The following ANKS1B variants were observed in gnomAD, a reference collection of about 807,000 sequenced individuals.
ANKS1B encodes the protein ankyrin repeat and sterile alpha motif domain-containing protein 1B.
A neutral mutation model predicts 148.3 loss-of-function variants in ANKS1B; 36 were observed. The observed-to-expected ratio is 0.24, with a 90% confidence interval of 0.19 to 0.32. The LOEUF (loss-of-function observed/expected upper bound fraction) is 0.32, where lower values mean the gene tolerates loss of function less well. Among genes scored for constraint, ANKS1B ranks in the 10% least tolerant of loss-of-function variants. ANKS1B has a pLI of 1.00. For missense variants in ANKS1B, 1,157 were observed against 1,542.6 expected (o/e 0.75, Z 4.19); for synonymous variants, 542 against 560.8 (o/e 0.97, Z 0.47).
intron 25 of ANKS1B, among the ~76,000 whole-genome samples, chr12:98,763,141 C>T (rs1390244042): frequency 6.6e-6 from 1 of 152,204 alleles, no homozygotes; most frequent in Non-Finnish European, 1.5e-5. Flanking sequence ...AAAGAAGCGA[C>T]ATTTCTTTTT....
chr12:99,688,271 A>T (rs2098660640), intron 8 of ANKS1B, among the ~76,000 whole-genome samples: 1 of 152,192 alleles, frequency 6.6e-6, no homozygotes. Flanking sequence ...AGCTACCTGA[A>T]ATCTAAACTC....
intron 10 of ANKS1B, among the ~76,000 whole-genome samples, chr12:99,458,810 C>A (rs577850552): frequency 5.9e-5 from 9 of 151,406 alleles, no homozygotes; most frequent in Admixed American, 4.6e-4. Flanking sequence ...GATAGATACA[C>A]AGCTAAATTC....
chr12:99,070,481 G>A (rs530325674), intron 16 of ANKS1B, among the ~76,000 whole-genome samples: 1 of 152,182 alleles, frequency 6.6e-6, no homozygotes, highest in African/African-American at 2.4e-5. Flanking sequence ...AGTGATGAAT[G>A]AAATTTATAG....
intron 12 of ANKS1B, among the ~76,000 whole-genome samples, chr12:99,319,299 G>T (rs1602839190): frequency 6.6e-6 from 1 of 152,118 alleles, no homozygotes; most frequent in South Asian, 2.1e-4. Context: ...TATTGTGTAG[G>T]AGTCTAAGTC....
chr12:99,210,949 T>C (rs1236188215), intron 14 of ANKS1B, among the ~76,000 whole-genome samples: 2 of 152,360 alleles, frequency 1.3e-5, no homozygotes, highest in African/African-American at 2.4e-5. Context: ...TCAAATGGTC[T>C]CTATTCAGCT....
At chr12:98,946,939 C>A (rs1333096878) in intron 17 of ANKS1B, among the ~76,000 whole-genome samples, 630 of 41,548 alleles carry the variant, frequency 0.015, 13 homozygotes, top group African/African-American at 0.048. Flanking sequence ...GATCTTTTCT[C>A]AAAAAAAAAA....
rs574529132 is a variant in ANKS1B at position 99,054,869 on chromosome 12, T to C, written c.2626-1560A>G. Among the ~76,000 whole-genome samples the C allele has an allele frequency of 1.4e-3, 209 of 152,360 alleles. 1 individual carries two copies. The highest frequency in any genetic ancestry group is 4.7e-3 in the African/African-American group (194 of 41,590). ...GCCTAAATGTTCTCTATTTTAAAGT[T>C]AGAGTACAATTTATTATTTACATTA... On this transcript the variant is annotated intron_variant, in intron 16 of 26. Coordinates refer to ENST00000683438, the MANE Select transcript of ANKS1B (RefSeq NM_001352186.2).
intron 17 of ANKS1B, among the ~76,000 whole-genome samples, chr12:98,982,787 A>G (rs1192572343): frequency 6.6e-6 from 1 of 152,216 alleles, no homozygotes; most frequent in African/African-American, 2.4e-5. Context: ...AATATACATA[A>G]TTCATTTTAC....
intron 17 of ANKS1B, among the ~76,000 whole-genome samples, chr12:98,904,784 G>C (rs1437148867): frequency 1.3e-5 from 2 of 152,118 alleles, no homozygotes; most frequent in East Asian, 3.9e-4. Context: ...AGGGAGAAAG[G>C]GAAGAAACAT....
intron 8 of ANKS1B, among the ~76,000 whole-genome samples, chr12:99,720,544 G>A (rs896522964): frequency 1.3e-5 from 2 of 152,102 alleles, no homozygotes; most frequent in African/African-American, 2.4e-5. Context: ...AAGGTAGAAC[G>A]GACTAATGGT....
At chr12:99,881,368 G>A (rs2092470549) in intron 1 of ANKS1B, among the ~76,000 whole-genome samples, 1 of 152,188 alleles carries the variant, frequency 6.6e-6, no homozygotes, top group African/African-American at 2.4e-5. Flanking sequence ...TGATTCACAG[G>A]TGCCTGAAAC....
chr12:99,366,145 C>G (rs1300201085), intron 12 of ANKS1B, among the ~76,000 whole-genome samples: 2 of 152,208 alleles, frequency 1.3e-5, no homozygotes. Context: ...TGGGCTTGAA[C>G]AGCCATTTAG....
intron 11 of ANKS1B, among the ~76,000 whole-genome samples, chr12:99,442,301 A>T (rs949500798): frequency 4.0e-5 from 6 of 151,862 alleles, no homozygotes; most frequent in African/African-American, 9.7e-5. Context: ...AGTAGCTAGG[A>T]TTACAACCGT....
At chr12:98,768,088 T>C (rs928754256) in intron 25 of ANKS1B, among the ~76,000 whole-genome samples, 2 of 152,100 alleles carry the variant, frequency 1.3e-5, no homozygotes, top group African/African-American at 4.8e-5. Context: ...AAGGTGGAGT[T>C]TGGGGAAGCT....
At chr12:99,478,849 T>G (rs1056412527) in intron 10 of ANKS1B, among the ~76,000 whole-genome samples, 12 of 152,120 alleles carry the variant, frequency 7.9e-5, no homozygotes, top group African/African-American at 2.9e-4. Flanking sequence ...ACCCTTTTAT[T>G]TTCTCTATCA....
In ANKS1B at chr12:99,905,388, G is replaced by A. The variant is rs952535059; in HGVS notation, c.134+78716C>T. ...TGATTCCTCCTGAGTGAGAATTAGA[G>A]AAAAGGAATTCTAGGTCTGTGGGCA... On this transcript the variant is annotated intron_variant, in intron 1 of 26. Coordinates refer to ENST00000683438, the MANE Select transcript of ANKS1B (RefSeq NM_001352186.2). Among the ~76,000 whole-genome samples, 5 of 152,340 alleles carry A rather than the reference G, an allele frequency of 3.3e-5. No individual in the cohort carries two copies. In the East Asian group the frequency reaches 9.6e-4, roughly 29 times the overall value.
At chr12:98,962,018 G>A (rs1029496377) in intron 17 of ANKS1B, among the ~76,000 whole-genome samples, 3 of 150,384 alleles carry the variant, frequency 2.0e-5, no homozygotes, top group Non-Finnish European at 3.0e-5. Context: ...GGAAGGAAGA[G>A]AAGACCGCAA....
chr12:99,877,375 C>T (rs548470416), intron 1 of ANKS1B, among the ~76,000 whole-genome samples: 1 of 152,222 alleles, frequency 6.6e-6, no homozygotes, highest in Admixed American at 6.5e-5. Flanking sequence ...CTATTTTTCC[C>T]CATGATTATG....
chr12:99,357,552 C>A (rs766153451), intron 12 of ANKS1B, among the ~76,000 whole-genome samples: 2 of 152,118 alleles, frequency 1.3e-5, no homozygotes, highest in Non-Finnish European at 2.9e-5. Flanking sequence ...ACCTAGAACG[C>A]TGCCTGAGAA....
Sources: gnomAD v4.1 joint callset for allele counts (sites outside exome capture counted in the v4.1 genomes callset) on GRCh38, gnomAD v4.1.1 for gene constraint, MANE v1.5 for transcripts, NCBI Gene and HGNC (gene_info 2026-07-23, HGNC 2026-07-21) for gene names.